Variants in RYR2 observed in about 807,000 individuals in gnomAD.
The protein encoded by RYR2 is cardiac muscle ryanodine receptor-calcium release channel.
A neutral mutation model predicts 601.1 loss-of-function variants in RYR2; 227 were observed. The observed-to-expected ratio is 0.38, with a 90% CI of 0.34 to 0.42. The LOEUF is 0.42. RYR2 is among the 10% of genes least tolerant of loss of function. The pLI is 1.00. For missense variants in RYR2, 4,646 were observed against 6,156.5 expected, an observed-to-expected ratio of 0.75 and a Z score of 8.21; for synonymous variants, 2,223 against 2,175.1, an observed-to-expected ratio of 1.02 and a Z score of -0.61.
chr1:237,464,093 G>C (rs1291189533), intron 16 of RYR2, among the ~76,000 whole-genome samples: 4 of 152,150 alleles, frequency 2.6e-5, no homozygotes, highest in Non-Finnish European at 5.9e-5. Context: ...CGTGCTTGCA[G>C]AATAACACGT....
At position 237,730,286 on chromosome 1, in the gene RYR2, A is replaced by G; in HGVS notation, c.10865A>G (p.Gln3622Arg). 6.2e-7 allele frequency: 1 copy of G among 1,606,726 alleles called. No individual in the cohort carries two copies. Among genetic ancestry groups the G allele is most frequent in the Non-Finnish European group, 8.5e-7 (1 of 1,173,494 alleles). ...CATCGGGCTGTCAATCTCTTTCTTC[A>G]GGGATATGAAAAGTCTTGGATTGAA... ...PRHRAVNLFLQGYEKSWIETE... is the reference protein window; with the variant it reads ...PRHRAVNLFLRGYEKSWIETE... The change falls in exon 77 of 105, where the codon CAG becomes CGG. Residue 3622 changes from glutamine to arginine, a missense_variant. Transcript: ENST00000366574.
intron 29 of RYR2, among the ~76,000 whole-genome samples, chr1:237,583,577 C>CA (rs1674171921): frequency 6.6e-6 from 1 of 152,100 alleles, no homozygotes; most frequent in South Asian, 2.1e-4. Context: ...TTCTTCTGAT[C>CA]AAAAAATGTG....
chr1:237,624,795 C>A (rs965764556), intron 39 of RYR2, among the ~76,000 whole-genome samples: 2 of 152,002 alleles, frequency 1.3e-5, no homozygotes, highest in Middle Eastern at 3.4e-3. Context: ...TCTGATGATT[C>A]AATGAAAGAA....
Position 237,049,090 on chromosome 1 carries a change from C to T in RYR2, c.48+6521C>T, listed in dbSNP as rs142030349. ...GGTGATGATTGCTGCTTTGGGAGGC[C>T]GCAGTGGCTCCCAGGTCCAGTGGGA... On this transcript the variant is annotated intron_variant, in intron 1 of 104. Coordinates refer to ENST00000366574, the MANE Select transcript of RYR2 (RefSeq NM_001035.3). 2.0e-3 allele frequency among the ~76,000 whole-genome samples: 297 copies of T among 152,080 alleles called. 3 individuals carry two copies. The highest frequency in any genetic ancestry group is 0.01 in the Middle Eastern group (3 of 294).
chr1:237,149,985 A>G (rs1674528409), intron 1 of RYR2, among the ~76,000 whole-genome samples: 1 of 152,242 alleles, frequency 6.6e-6, no homozygotes, highest in African/African-American at 2.4e-5. Context: ...AACTTAATAC[A>G]GTAACTGCTA....
intron 2 of RYR2, among the ~76,000 whole-genome samples, chr1:237,290,829 T>C (rs1418683139): frequency 6.6e-6 from 1 of 152,194 alleles, no homozygotes; most frequent in Non-Finnish European, 1.5e-5. Context: ...AAATGTTCAA[T>C]ATGTTTGAAG....
chr1:237,759,978 GA>G (rs1037160104), intron 83 of RYR2, 126 bp downstream of exon 83: 5 of 681,698 alleles, frequency 7.3e-6, no homozygotes, highest in Non-Finnish European at 1.3e-5. Flanking sequence ...TTTAAAGTGG[GA>G]TAATCGGCAG....
At chr1:237,271,118 A>G (rs1044125278) in intron 2 of RYR2, among the ~76,000 whole-genome samples, 9 of 152,110 alleles carry the variant, frequency 5.9e-5, no homozygotes, top group Admixed American at 1.3e-4. Context: ...AAAATGGGAT[A>G]TGGCTTTTTT....
At chr1:237,626,832 C>G (rs573330790) in intron 40 of RYR2, among the ~76,000 whole-genome samples, 64 of 151,860 alleles carry the variant, frequency 4.2e-4, no homozygotes, top group Admixed American at 2.4e-3. Flanking sequence ...CCTCAGATTC[C>G]CAAGTGCTGG....
intron 37 of RYR2, among the ~76,000 whole-genome samples, chr1:237,615,310 G>A (rs916234524): frequency 9.2e-5 from 14 of 152,082 alleles, no homozygotes; most frequent in Admixed American, 4.6e-4. Context: ...TCCCACCTCA[G>A]CTTCTACAGC....
At chr1:237,738,995 T>A (rs557642597) in intron 79 of RYR2, among the ~76,000 whole-genome samples, 5 of 152,356 alleles carry the variant, frequency 3.3e-5, no homozygotes, top group African/African-American at 9.6e-5. Flanking sequence ...TACTGACTTT[T>A]GTCAACCAAA....
intron 2 of RYR2, among the ~76,000 whole-genome samples, chr1:237,290,424 A>G (rs575688891): frequency 6.6e-6 from 1 of 152,338 alleles, no homozygotes; most frequent in East Asian, 1.9e-4. Context: ...GAAGTGTCCT[A>G]TTTTGTGATT....
chr1:237,404,099 C>T (rs6429009), intron 10 of RYR2, among the ~76,000 whole-genome samples: 16,443 of 152,052 alleles, frequency 0.11, 1,841 homozygotes, highest in African/African-American at 0.29. Context: ...ACAAAAAATA[C>T]AAAAATCAGC....
chr1:237,268,046 C>T lies in RYR2; in HGVS notation c.49-2451C>T, dbSNP rs149910575. Among the ~76,000 whole-genome samples the T allele has an allele frequency of 2.5e-4, 38 of 152,268 alleles. No homozygotes were observed. The East Asian group carries it at 2.9e-3, about 12-fold the overall frequency. ...AAAGACGGTGTGCCTTCTCTTCTTC[C>T]GGGGCTTACTGAGTAAGCTCTGTTA... On this transcript the variant is annotated intron_variant, in intron 1 of 104. Transcript: ENST00000366574.
chr1:237,187,150 T>G (rs1679435279), intron 1 of RYR2, among the ~76,000 whole-genome samples: 1 of 151,660 alleles, frequency 6.6e-6, no homozygotes, highest in African/African-American at 2.4e-5. Flanking sequence ...AGTAAAAGTA[T>G]AGTGGCAAGA....
chr1:237,733,397 G>A (rs2149173742), intron 78 of RYR2, among the ~76,000 whole-genome samples: 1 of 152,192 alleles, frequency 6.6e-6, no homozygotes, highest in African/African-American at 2.4e-5. Context: ...CTTGTTTCAA[G>A]TTTTGTAGTC....
intron 2 of RYR2, among the ~76,000 whole-genome samples, chr1:237,290,706 CAG>C (rs1227222974): frequency 6.6e-6 from 1 of 152,072 alleles, no homozygotes; most frequent in Non-Finnish European, 1.5e-5. Context: ...ATACAAACCT[CAG>C]ATTGGGAGAA....
At chr1:237,340,071 G>A (rs536655559) in intron 3 of RYR2, among the ~76,000 whole-genome samples, 1 of 152,244 alleles carries the variant, frequency 6.6e-6, no homozygotes, top group Admixed American at 6.5e-5. Context: ...TTCTAACATT[G>A]TCTGCTACAT....
At chr1:237,398,784 C>T (rs567102360) in intron 10 of RYR2, among the ~76,000 whole-genome samples, 33 of 152,308 alleles carry the variant, frequency 2.2e-4, no homozygotes, top group African/African-American at 7.9e-4. Flanking sequence ...AAAACTTGTA[C>T]ACAAATACTT....
Sources: allele counts gnomAD v4.1 joint callset (sites outside exome capture counted in the v4.1 genomes callset), GRCh38; gene constraint gnomAD v4.1.1; transcripts MANE v1.5; gene names NCBI Gene and HGNC (gene_info 2026-07-23, HGNC 2026-07-21).